TAB2: variants seen among roughly 807,000 people sequenced by gnomAD.
The protein encoded by TAB2 is TGF-beta-activated kinase 1 and MAP3K7-binding protein 2.
A neutral mutation model predicts 65.0 loss-of-function variants in TAB2; 3 were observed. The ratio of observed to expected loss-of-function variants is 0.05; its 90% CI spans 0.02 to 0.12. TAB2 has a LOEUF of 0.12. Among genes scored for constraint, TAB2 ranks in the 10% least tolerant of loss-of-function variants. The probability of loss-of-function intolerance (pLI) is 1.00; values close to 1 mark genes in which losing one functional copy is unlikely to be tolerated. For synonymous variants in TAB2, 298 were observed against 285.1 expected (o/e 1.05, Z -0.46); for missense variants, 623 against 840.3 (o/e 0.74, Z 3.20).
chr6:149,303,369 C>T (rs1028939717), intron 1 of TAB2, among the ~76,000 whole-genome samples: 3 of 152,222 alleles, frequency 2.0e-5, no homozygotes, highest in African/African-American at 4.8e-5. Flanking sequence ...TGTTGAGGAC[C>T]GTTGCATCTA....
At chr6:149,391,952 T>C (rs951276890) in intron 3 of TAB2, among the ~76,000 whole-genome samples, 3 of 152,152 alleles carry the variant, frequency 2.0e-5, no homozygotes, top group African/African-American at 7.2e-5. Flanking sequence ...GAGCTAGTTC[T>C]CTGATTCCTT....
At chr6:149,376,884 G>T (rs952691976) in intron 2 of TAB2, among the ~76,000 whole-genome samples, 3 of 135,858 alleles carry the variant, frequency 2.2e-5, no homozygotes, top group African/African-American at 5.9e-5. Flanking sequence ...ACAATCTGAG[G>T]TTCCCCCCCC....
intron 1 of TAB2, among the ~76,000 whole-genome samples, chr6:149,252,511 A>G (rs1777882990): frequency 6.6e-6 from 1 of 152,092 alleles, no homozygotes; most frequent in Non-Finnish European, 1.5e-5. Flanking sequence ...AGATTGAGTC[A>G]TTAGCATTAA....
intron 1 of TAB2, among the ~76,000 whole-genome samples, chr6:149,293,061 TGA>T (rs2308137): frequency 0.4 from 61,315 of 151,906 alleles, 13,995 homozygotes; most frequent in African/African-American, 0.64. Flanking sequence ...AAAACAACCA[TGA>T]GAGAACTCCA....
chr6:149,314,865 C>CTT (rs57785399), upstream of TAB2, among the ~76,000 whole-genome samples: 341 of 143,340 alleles, frequency 2.4e-3, 2 homozygotes, highest in East Asian at 5.7e-3. Flanking sequence ...GGAACTATAT[C>CTT]TTTTTTTTTT....
intron 1 of TAB2, among the ~76,000 whole-genome samples, chr6:149,231,103 C>T (rs1777395707): frequency 6.6e-6 from 1 of 152,242 alleles, no homozygotes; most frequent in African/African-American, 2.4e-5. Flanking sequence ...ACATTCTAAT[C>T]AGAGGCTGCC....
chr6:149,349,901 CTGCT>C (rs1780433490), intron 1 of TAB2, among the ~76,000 whole-genome samples: 1 of 152,018 alleles, frequency 6.6e-6, no homozygotes, highest in Non-Finnish European at 1.5e-5. Context: ...AATAGTCTCT[CTGCT>C]TGGGAACTAA....
At chr6:149,398,213 A>T in intron 5 of TAB2, 151 bp downstream of exon 5, 1 of 691,182 alleles carries the variant, frequency 1.4e-6, no homozygotes, top group South Asian at 1.7e-5. Context: ...ATATTTAAAA[A>T]GTCACCCCCA....
At chr6:149,318,314 A>G (rs1779323944) in intron 1 of TAB2, among the ~76,000 whole-genome samples, 1 of 150,896 alleles carries the variant, frequency 6.6e-6, no homozygotes, top group South Asian at 2.1e-4. Context: ...AGCGCCTAGG[A>G]GAGCCCCGGG....
intron 1 of TAB2, among the ~76,000 whole-genome samples, chr6:149,222,293 C>T (rs993031394): frequency 2.0e-5 from 3 of 152,120 alleles, no homozygotes; most frequent in African/African-American, 7.2e-5. Context: ...ACTCTTCAGC[C>T]TCCATAATCA....
At chr6:149,382,018 A>G (rs76554449) in intron 3 of TAB2, among the ~76,000 whole-genome samples, 1 of 152,194 alleles carries the variant, frequency 6.6e-6, no homozygotes, top group African/African-American at 2.4e-5. Context: ...ACTGTTAAAA[A>G]TATGCATCAG....
intron 1 of TAB2, among the ~76,000 whole-genome samples, chr6:149,231,790 G>C (rs1473761960): frequency 2.6e-5 from 4 of 152,316 alleles, no homozygotes; most frequent in East Asian, 3.9e-4. Context: ...CCTCAAGTAA[G>C]AGGAAGCTCA....
At chr6:149,357,466 CAT>C (rs1426489978) in intron 1 of TAB2, among the ~76,000 whole-genome samples, 1 of 148,206 alleles carries the variant, frequency 6.7e-6, no homozygotes, top group Non-Finnish European at 1.5e-5. Flanking sequence ...CACACACACA[CAT>C]TTTAGCCTTG....
intron 1 of TAB2, among the ~76,000 whole-genome samples, chr6:149,265,554 C>T (rs1377639588): frequency 1.3e-5 from 2 of 149,606 alleles, no homozygotes; most frequent in Non-Finnish European, 2.9e-5. Flanking sequence ...GCTTCCTTGG[C>T]CCCCACCTCC....
At chr6:149,369,887 AT>A (rs1013152460) in intron 1 of TAB2, 21 bp from the exon 2 acceptor site, 93 of 900,708 alleles carry the variant, frequency 1.0e-4, no homozygotes, top group Non-Finnish European at 1.5e-4. Context: ...TCTCATTAAA[AT>A]TTTTTTTCTT....
intron 6 of TAB2, among the ~76,000 whole-genome samples, chr6:149,405,822 G>T (rs1388226678): frequency 6.6e-6 from 1 of 152,000 alleles, no homozygotes; most frequent in Non-Finnish European, 1.5e-5. Flanking sequence ...GAGATCTAGT[G>T]TACAACAGTG....
chr6:149,357,466 C>T (rs1201572293), intron 1 of TAB2, among the ~76,000 whole-genome samples: 2 of 148,204 alleles, frequency 1.3e-5, no homozygotes, highest in Admixed American at 6.7e-5. Flanking sequence ...CACACACACA[C>T]ATTTTAGCCT....
At position 149,223,398 on chromosome 6, in the gene TAB2, T is replaced by C. The variant is rs79866347; in HGVS notation, c.-121+4622T>C. On this transcript the variant is annotated intron_variant, in intron 1 of 1. Transcript: ENST00000606202. ...TAAAACAACTGATTTCTAAGACTCG[T>C]CCAGCTCTGACATGAAATGATTCTA... Among the ~76,000 whole-genome samples, 785 of 152,346 alleles carry C rather than the reference T, an allele frequency of 5.2e-3. 7 individuals are homozygous for C. The highest frequency in any genetic ancestry group is 0.018 in the African/African-American group (757 of 41,578).
chr6:149,273,139 T>C (rs1778395659), intron 1 of TAB2, among the ~76,000 whole-genome samples: 1 of 151,992 alleles, frequency 6.6e-6, no homozygotes, highest in Non-Finnish European at 1.5e-5. Flanking sequence ...AGGGATGCTG[T>C]TAAACATCCT....
Sources: gnomAD v4.1 joint callset for allele counts (sites outside exome capture counted in the v4.1 genomes callset) on GRCh38, gnomAD v4.1.1 for gene constraint, MANE v1.5 for transcripts, NCBI Gene and HGNC (gene_info 2026-07-23, HGNC 2026-07-21) for gene names.